The following MEF2C variants were observed in gnomAD, a reference collection of about 807,000 sequenced individuals.
The protein encoded by MEF2C is myocyte enhancer factor 2C, also known as myocyte-specific enhancer factor 2C.
MEF2C carries 6 observed loss-of-function variants against 50.5 expected under a neutral mutation model. The ratio of observed to expected loss-of-function variants is 0.12; its 90% confidence interval spans 0.07 to 0.23. The LOEUF (loss-of-function observed/expected upper bound fraction) is 0.23, where lower values mean the gene tolerates loss of function less well. MEF2C is among the 10% of genes least tolerant of loss of function. MEF2C has a pLI of 1.00. For synonymous variants in MEF2C, 183 were observed against 228.0 expected (o/e 0.80, Z 1.78); for missense variants, 276 against 605.0 (o/e 0.46, Z 5.70).
At chr5:88,812,424 C>G (rs575356374) in intron 2 of MEF2C, among the ~76,000 whole-genome samples, 1 of 152,204 alleles carries the variant, frequency 6.6e-6, no homozygotes, top group South Asian at 2.1e-4. Flanking sequence ...GGAAATTTCA[C>G]ATACTTGTTT....
In MEF2C at chr5:88,893,454, C is replaced by T. The variant is rs192136901; in HGVS notation, c.-239-5856G>A. Reference sequence around the variant, plus strand: ...GCCAGGTTGGTCTTGAACTCCTGACCTGAGGTAATCCGCCCACTTTGGCCT... The same window carrying T: ...GCCAGGTTGGTCTTGAACTCCTGACTTGAGGTAATCCGCCCACTTTGGCCT... On this transcript the variant is annotated intron_variant, in intron 1 of 11. Transcript: ENST00000340208. Among the ~76,000 whole-genome samples, 23 of 151,970 alleles carry T rather than the reference C, an allele frequency of 1.5e-4. No individual in the cohort carries two copies. The East Asian group carries it at 4.4e-3, about 29-fold the overall frequency.
At chr5:88,853,930 C>T (rs930889323) in intron 1 of MEF2C, among the ~76,000 whole-genome samples, 4 of 152,254 alleles carry the variant, frequency 2.6e-5, no homozygotes, top group African/African-American at 9.6e-5. Flanking sequence ...TCAGTGACAA[C>T]ATTATTGTTA....
chr5:88,738,338 C>CCAACAACACA lies in MEF2C; in HGVS notation c.638-6438_638-6437insTGTGTTGTTG, dbSNP rs1285221502. On this transcript the variant is annotated intron_variant, in intron 6 of 10. Transcript: ENST00000504921. ...TACCAACAACACAACATTAAGCATA[C>CCAACAACACA]ACATTAACTGCTCAGAAGAGTACCA... is the stretch of plus-strand genomic sequence containing the variant. 3 of 985,224 alleles carry CCAACAACACA rather than the reference C, an allele frequency of 3.0e-6. No individual in the cohort carries two copies. In the African/African-American group the frequency reaches 5.2e-5, roughly 17 times the overall value. The allele number at this position is 985,224 out of a possible 1,614,324, so 61.0% of individuals were successfully genotyped here. A position where few individuals can be genotyped will look rare whatever the true frequency, so the allele number is the denominator to read the frequency against.
intron 6 of MEF2C, chr5:88,734,571 T>G (rs1004424269): frequency 1.2e-3 from 591 of 480,194 alleles, no homozygotes; most frequent in East Asian, 2.4e-3. Flanking sequence ...GTTTGTTTTT[T>G]TTTTTTTTTT....
chr5:88,736,095 A>G (rs1043383726), intron 6 of MEF2C: 1 of 985,320 alleles, frequency 1.0e-6, no homozygotes, highest in African/African-American at 1.7e-5. Context: ...TTCCATCTCC[A>G]TATCCAATGA....
At chr5:88,837,499 T>C (rs1815632813) in intron 1 of MEF2C, among the ~76,000 whole-genome samples, 1 of 152,154 alleles carries the variant, frequency 6.6e-6, no homozygotes, top group Non-Finnish European at 1.5e-5. Flanking sequence ...CTCAGTTGGG[T>C]TCGCTAGCTG....
intron 1 of MEF2C, among the ~76,000 whole-genome samples, chr5:88,853,612 G>A (rs1161567226): frequency 2.0e-5 from 3 of 152,120 alleles, no homozygotes; most frequent in African/African-American, 4.8e-5. Flanking sequence ...TTAGTGATTT[G>A]AATATCATTT....
At chr5:88,748,511 GT>G (rs1214030503) in intron 6 of MEF2C, among the ~76,000 whole-genome samples, 6 of 152,224 alleles carry the variant, frequency 3.9e-5, no homozygotes, top group African/African-American at 1.4e-4. Flanking sequence ...ATTGGTCACA[GT>G]GTAAGAAGTT....
At chr5:88,841,525 A>G (rs1008290490) in intron 1 of MEF2C, among the ~76,000 whole-genome samples, 3 of 141,838 alleles carry the variant, frequency 2.1e-5, no homozygotes, top group African/African-American at 5.2e-5. Flanking sequence ...AAAAAAAAAG[A>G]AGAAAAAAAG....
intron 6 of MEF2C, chr5:88,734,381 G>C: frequency 2.0e-6 from 2 of 985,276 alleles, no homozygotes; most frequent in Non-Finnish European, 2.4e-6. Flanking sequence ...GTGCAATGAA[G>C]CTTGAATAGA....
chr5:88,737,064 G>GAT, intron 6 of MEF2C: 4 of 984,988 alleles, frequency 4.1e-6, no homozygotes, highest in South Asian at 9.4e-5. Context: ...TTCACAAATA[G>GAT]ATATATAGAA....
chr5:88,741,686 C>CT (rs1263905461), intron 6 of MEF2C: 1 of 978,906 alleles, frequency 1.0e-6, no homozygotes, highest in East Asian at 1.1e-4. Context: ...TATAGCAGGG[C>CT]TTTTTCCTCC....
intron 3 of MEF2C, chr5:88,766,891 T>G (rs1780296327): frequency 1.1e-6 from 1 of 881,342 alleles, no homozygotes; most frequent in Admixed American, 6.2e-5. Flanking sequence ...TCCTGAATCA[T>G]TTTTTTGCTT....
chr5:88,790,808 T>C (rs1417419073), intron 3 of MEF2C, among the ~76,000 whole-genome samples: 1 of 152,150 alleles, frequency 6.6e-6, no homozygotes, highest in African/African-American at 2.4e-5. Context: ...ATGCTAGGCA[T>C]TGAGCTGGCA....
At chr5:88,739,114 G>A in intron 6 of MEF2C, 2 of 985,330 alleles carry the variant, frequency 2.0e-6, no homozygotes, top group Non-Finnish European at 2.4e-6. Flanking sequence ...CAATGTTACA[G>A]TGAAATGTCC....
At chr5:88,824,136 A>G in intron 1 of MEF2C, 1 of 891,884 alleles carries the variant, frequency 1.1e-6, no homozygotes, top group Non-Finnish European at 1.4e-6. Flanking sequence ...AAATGATCTC[A>G]TAAGTAATTT....
At chr5:88,861,725 T>C (rs551571766) in intron 1 of MEF2C, among the ~76,000 whole-genome samples, 3 of 152,336 alleles carry the variant, frequency 2.0e-5, no homozygotes, top group African/African-American at 4.8e-5. Flanking sequence ...ATTGACTCTT[T>C]GGAGGGTTTT....
At chr5:88,733,080 T>C (rs780136291) in intron 6 of MEF2C, 117 of 985,072 alleles carry the variant, frequency 1.2e-4, no homozygotes, top group Non-Finnish European at 1.3e-4. Context: ...CAAGGCAGCG[T>C]AGGGTGAGGT....
intron 3 of MEF2C, chr5:88,766,513 T>G: frequency 3.3e-6 from 1 of 299,378 alleles, no homozygotes; most frequent in Non-Finnish European, 4.9e-6. Context: ...TAATGCTATT[T>G]AAGTAAAATT....
Sources: gnomAD v4.1 joint callset for allele counts (sites outside exome capture counted in the v4.1 genomes callset) on GRCh38, gnomAD v4.1.1 for gene constraint, MANE v1.5 for transcripts, NCBI Gene and HGNC (gene_info 2026-07-23, HGNC 2026-07-21) for gene names.